The following FAM81B variants were observed in gnomAD, a reference collection of about 807,000 sequenced individuals.
The protein encoded by FAM81B is family with sequence similarity 81 member B, also known as protein FAM81B.
FAM81B carries 60 observed loss-of-function variants against 58.7 expected under a neutral mutation model. The observed-to-expected ratio is 1.02, with a 90% CI of 0.83 to 1.27. FAM81B has a LOEUF of 1.27. Ranked by LOEUF, FAM81B falls within the 50% of genes most tolerant of loss-of-function variation. FAM81B has a pLI of 0.00. For missense variants in FAM81B, 491 were observed against 522.0 expected, an observed-to-expected ratio of 0.94 and a Z score of 0.58; for synonymous variants, 189 against 179.6, an observed-to-expected ratio of 1.05 and a Z score of -0.42.
At chr5:95,422,557 ACTGCAGCCT>A (rs56654630) in intron 5 of FAM81B, among the ~76,000 whole-genome samples, 47,320 of 151,754 alleles carry the variant, frequency 0.31, 8,514 homozygotes, top group Non-Finnish European at 0.42. Context: ...ATCTTGGCTC[ACTGCAGCCT>A]CTGCCTCCCA....
intron 7 of FAM81B, among the ~76,000 whole-genome samples, 158 bp downstream of exon 7, chr5:95,437,064 CTT>C (rs1412814930): frequency 2.6e-5 from 4 of 152,098 alleles, no homozygotes; most frequent in Admixed American, 6.5e-5. Flanking sequence ...ACTAAAGTAA[CTT>C]ATATAATATT....
At chr5:95,406,601 TG>T (rs1214545142) in intron 3 of FAM81B, among the ~76,000 whole-genome samples, 2 of 152,160 alleles carry the variant, frequency 1.3e-5, no homozygotes, top group East Asian at 3.9e-4. Flanking sequence ...TCCCAACAGT[TG>T]GGGGGTATAA....
At chr5:95,446,440 C>T in intron 7 of FAM81B, 122 bp from the exon 8 acceptor site, 1 of 990,060 alleles carries the variant, frequency 1.0e-6, no homozygotes. Flanking sequence ...CCCACATCAC[C>T]CCACAAATAC....
intron 5 of FAM81B, among the ~76,000 whole-genome samples, chr5:95,423,084 G>A (rs1373130996): frequency 1.3e-5 from 2 of 152,154 alleles, no homozygotes; most frequent in Admixed American, 6.5e-5. Context: ...AGCTAAGGCA[G>A]ATTGATTACT....
chr5:95,413,848 A>C, intron 3 of FAM81B, 99 bp from the exon 4 acceptor site: 1 of 1,492,452 alleles, frequency 6.7e-7, no homozygotes, highest in East Asian at 2.3e-5. Flanking sequence ...TCACAGGGCA[A>C]AAATAAAGGA....
chr5:95,398,455 A>T (rs116048382), intron 3 of FAM81B, among the ~76,000 whole-genome samples: 2,167 of 129,886 alleles, frequency 0.017, 58 homozygotes, highest in African/African-American at 0.062. Context: ...AATAAATAAA[A>T]AACTTCAGCC....
At chr5:95,422,171 G>T (rs978940976) in intron 5 of FAM81B, among the ~76,000 whole-genome samples, 1 of 151,970 alleles carries the variant, frequency 6.6e-6, no homozygotes, top group African/African-American at 2.4e-5. Context: ...GTTCTGGAGT[G>T]TGACTTCATT....
intron 7 of FAM81B, among the ~76,000 whole-genome samples, chr5:95,446,305 CCAGCAGTGCTCCTGT>C (rs1182504113): frequency 6.6e-6 from 1 of 152,104 alleles, no homozygotes; most frequent in Non-Finnish European, 1.5e-5. Flanking sequence ...TAGCTCCCAG[CCAGCAGTGCTCCTGT>C]CACTGTGTGT....
At chr5:95,411,815 C>A (rs1025081310) in intron 3 of FAM81B, among the ~76,000 whole-genome samples, 1 of 152,184 alleles carries the variant, frequency 6.6e-6, no homozygotes, top group Non-Finnish European at 1.5e-5. Context: ...TGCTTACACA[C>A]AAAGTCAATG....
intron 3 of FAM81B, among the ~76,000 whole-genome samples, chr5:95,404,582 G>C (rs963617968): frequency 4.0e-5 from 6 of 151,800 alleles, no homozygotes; most frequent in Admixed American, 3.3e-4. Flanking sequence ...ATGTCTTGAG[G>C]CTCCAACAAG....
intron 4 of FAM81B, among the ~76,000 whole-genome samples, chr5:95,418,741 A>G (rs1196488703): frequency 4.6e-5 from 7 of 152,204 alleles, no homozygotes; most frequent in Non-Finnish European, 8.8e-5. Flanking sequence ...TTCTAAGACT[A>G]GAAAGTTCCT....
At position 95,445,647 on chromosome 5, in the gene FAM81B, C is replaced by T. The variant is rs76248970; in HGVS notation, c.894-915C>T. On this transcript the variant is annotated intron_variant, in intron 7 of 9. Coordinates refer to ENST00000283357, the MANE Select transcript of FAM81B (RefSeq NM_152548.3). ...CCTTCCTGTACCTCTATTACTTCTGCTTTTGCCCCACATGAGTAATTCAAG... is the reference window on the plus strand; with the variant it reads ...CCTTCCTGTACCTCTATTACTTCTGTTTTTGCCCCACATGAGTAATTCAAG... Among the ~76,000 whole-genome samples, 1,391 of 152,154 alleles carry T rather than the reference C, an allele frequency of 9.1e-3. 22 individuals are homozygous for T. The highest frequency in any genetic ancestry group is 0.032 in the African/African-American group (1,309 of 41,492).
chr5:95,415,322 T>C (rs1762512362), intron 4 of FAM81B, among the ~76,000 whole-genome samples: 1 of 152,206 alleles, frequency 6.6e-6, no homozygotes, highest in Admixed American at 6.5e-5. Flanking sequence ...TCAAAGAGAA[T>C]ACTGGATTTT....
intron 3 of FAM81B, 34 bp from the exon 4 acceptor site, chr5:95,413,913 T>C: frequency 6.4e-7 from 1 of 1,573,776 alleles, no homozygotes; most frequent in Non-Finnish European, 8.6e-7. Flanking sequence ...ATTCTTGTAA[T>C]GCCCTGGTGT....
chr5:95,421,501 A>G (rs947455468), intron 5 of FAM81B, among the ~76,000 whole-genome samples: 1 of 152,216 alleles, frequency 6.6e-6, no homozygotes, highest in Non-Finnish European at 1.5e-5. Flanking sequence ...CATTTTGAGA[A>G]AGTTGGGACA....
At chr5:95,407,333 A>G (rs1217021981) in intron 3 of FAM81B, among the ~76,000 whole-genome samples, 1 of 148,254 alleles carries the variant, frequency 6.7e-6, no homozygotes, top group Non-Finnish European at 1.5e-5. Context: ...TTCTTCACCT[A>G]AGTCTTCAAC....
chr5:95,448,552 T>G (rs1745673539), intron 9 of FAM81B, 88 bp downstream of exon 9: 1 of 1,217,610 alleles, frequency 8.2e-7, no homozygotes, highest in Admixed American at 2.5e-5. Flanking sequence ...TGGCCAGGGA[T>G]CAATCTTGTC....
chr5:95,413,712 A>G (rs961742844), intron 3 of FAM81B, among the ~76,000 whole-genome samples: 1 of 152,346 alleles, frequency 6.6e-6, no homozygotes, highest in Non-Finnish European at 1.5e-5. Flanking sequence ...ATCTTCTTTC[A>G]TGAATGCCTC....
chr5:95,418,621 G>C (rs1399152872), intron 4 of FAM81B, among the ~76,000 whole-genome samples: 3 of 152,086 alleles, frequency 2.0e-5, no homozygotes, highest in African/African-American at 7.2e-5. Context: ...TCATAGGTAT[G>C]TATGTATAGG....
Sources: allele counts gnomAD v4.1 joint callset (sites outside exome capture counted in the v4.1 genomes callset), GRCh38; gene constraint gnomAD v4.1.1; transcripts MANE v1.5; gene names NCBI Gene and HGNC (gene_info 2026-07-23, HGNC 2026-07-21).